The following CA1 variants were observed in gnomAD, a reference collection of about 807,000 sequenced individuals.
CA1 encodes the protein carbonic anhydrase 1, also known as carbonate dehydratase I.
In CA1, 27 loss-of-function variants were observed where a neutral mutation model predicts 28.8. The observed-to-expected ratio is 0.94, with a 90% CI of 0.69 to 1.29. The LOEUF (loss-of-function observed/expected upper bound fraction) is 1.29. Ranked by LOEUF, CA1 falls within the 50% of genes most tolerant of loss-of-function variation. CA1 has a pLI of 0.00. For synonymous variants in CA1, 121 were observed against 108.8 expected (o/e 1.11, Z -0.70); for missense variants, 335 against 310.5 (o/e 1.08, Z -0.59).
At chr8:85,328,850 C>A (rs976172673) in intron 7 of CA1, among the ~76,000 whole-genome samples, 174 bp from the exon 8 acceptor site, 2 of 151,896 alleles carry the variant, frequency 1.3e-5, no homozygotes, top group Admixed American at 1.3e-4. Context: ...TTGAACCAGG[C>A]ATTTTGCTTT....
chr8:85,376,125 G>T (rs1371571163), intron 1 of CA1, among the ~76,000 whole-genome samples: 1 of 152,140 alleles, frequency 6.6e-6, no homozygotes, highest in African/African-American at 2.4e-5. Context: ...GAGGTTAGGA[G>T]TTCAGGACCA....
intron 4 of CA1, among the ~76,000 whole-genome samples, chr8:85,335,992 A>G (rs1426484283): frequency 6.6e-6 from 1 of 152,210 alleles, no homozygotes; most frequent in Non-Finnish European, 1.5e-5. Flanking sequence ...TGCACAAGAT[A>G]TATGTACAGA....
At chr8:85,338,013 C>A in intron 3 of CA1, 1 of 650,708 alleles carries the variant, frequency 1.5e-6, no homozygotes, top group South Asian at 1.5e-5. Flanking sequence ...ACTGGAATGA[C>A]GAGAAGAGAC....
chr8:85,350,736 TC>T, intron 1 of CA1, among the ~76,000 whole-genome samples: 1 of 152,192 alleles, frequency 6.6e-6, no homozygotes, highest in Non-Finnish European at 1.5e-5. Context: ...AAAATGGAGA[TC>T]CACAGAGTCC....
chr8:85,368,771 G>C (rs1212328210), intron 1 of CA1, among the ~76,000 whole-genome samples: 1 of 152,114 alleles, frequency 6.6e-6, no homozygotes, highest in Non-Finnish European at 1.5e-5. Context: ...TGGGGGCAAT[G>C]CTTCATTTCT....
chr8:85,344,104 T>G (rs1184727629), intron 1 of CA1, among the ~76,000 whole-genome samples: 1 of 126,616 alleles, frequency 7.9e-6, no homozygotes, highest in Non-Finnish European at 1.7e-5. Flanking sequence ...TATATACTTT[T>G]AAATTTTATA....
intron 1 of CA1, among the ~76,000 whole-genome samples, chr8:85,374,480 A>C (rs1414349963): frequency 6.6e-6 from 1 of 152,168 alleles, no homozygotes; most frequent in Non-Finnish European, 1.5e-5. Context: ...AATACACAGG[A>C]TTCTTTAATT....
At chr8:85,357,306 T>C (rs1231695734) in intron 1 of CA1, among the ~76,000 whole-genome samples, 3 of 152,186 alleles carry the variant, frequency 2.0e-5, no homozygotes, top group African/African-American at 7.2e-5. Context: ...ACGTGTCTGG[T>C]AGGAAGATCA....
chr8:85,341,707 C>CA (rs1250334690), intron 1 of CA1, 48 bp from the exon 2 acceptor site: 1 of 1,002,774 alleles, frequency 1.0e-6, no homozygotes, highest in African/African-American at 1.6e-5. Flanking sequence ...ACTGTGCATG[C>CA]AGGAGATGCC....
At chr8:85,346,398 A>G (rs555350431) in intron 1 of CA1, among the ~76,000 whole-genome samples, 7 of 152,318 alleles carry the variant, frequency 4.6e-5, no homozygotes, top group Admixed American at 2.0e-4. Context: ...AGTCTTATAG[A>G]ACAGATAATG....
chr8:85,330,634 A>G (rs1274379847), intron 6 of CA1, among the ~76,000 whole-genome samples: 1 of 152,146 alleles, frequency 6.6e-6, no homozygotes. Flanking sequence ...AAGTTTTCAG[A>G]CAGTTTTCTT....
At chr8:85,359,489 G>A (rs1292897754) in intron 1 of CA1, among the ~76,000 whole-genome samples, 3 of 152,134 alleles carry the variant, frequency 2.0e-5, no homozygotes, top group African/African-American at 4.8e-5. Context: ...AATTGCTAAC[G>A]AATGAAAAAT....
chr8:85,344,988 C>T (rs1809120979), intron 1 of CA1, among the ~76,000 whole-genome samples: 1 of 152,170 alleles, frequency 6.6e-6, no homozygotes, highest in East Asian at 1.9e-4. Flanking sequence ...TTTGGGGTGG[C>T]AAGATAAATC....
chr8:85,371,884 A>G (rs1406453093), intron 1 of CA1, among the ~76,000 whole-genome samples: 4 of 152,134 alleles, frequency 2.6e-5, no homozygotes, highest in Non-Finnish European at 5.9e-5. Context: ...CCTGTCTTCT[A>G]TGGATGATTT....
chr8:85,343,400 G>C (rs1403072332), intron 1 of CA1, among the ~76,000 whole-genome samples: 2 of 152,142 alleles, frequency 1.3e-5, no homozygotes, highest in Non-Finnish European at 2.9e-5. Flanking sequence ...GCCTTCCACT[G>C]TCAACAATTG....
At chr8:85,356,695 T>A (rs1301291897) in intron 1 of CA1, among the ~76,000 whole-genome samples, 1 of 152,206 alleles carries the variant, frequency 6.6e-6, no homozygotes, top group African/African-American at 2.4e-5. Flanking sequence ...AAACTAAATG[T>A]CTTTCTGCAA....
At chr8:85,335,809 A>G (rs1166153504) in intron 4 of CA1, among the ~76,000 whole-genome samples, 1 of 152,168 alleles carries the variant, frequency 6.6e-6, no homozygotes, top group Non-Finnish European at 1.5e-5. Context: ...GGAAAACCCA[A>G]TTAACAGATT....
chr8:85,356,926 G>T (rs1809625941), intron 1 of CA1, among the ~76,000 whole-genome samples: 1 of 152,152 alleles, frequency 6.6e-6, no homozygotes, highest in South Asian at 2.1e-4. Context: ...CAGAATCCCA[G>T]TTGCACACCT....
chr8:85,349,822 C>A (rs1396567443), intron 1 of CA1: 1 of 152,152 alleles, frequency 6.6e-6, no homozygotes, highest in Non-Finnish European at 1.5e-5. Context: ...TTATTTCTTC[C>A]AGTCCTAGGT....
Sources: gnomAD v4.1 joint callset for allele counts (sites outside exome capture counted in the v4.1 genomes callset) on GRCh38, gnomAD v4.1.1 for gene constraint, MANE v1.5 for transcripts, NCBI Gene and HGNC (gene_info 2026-07-23, HGNC 2026-07-21) for gene names.